Variants in PAPPA2 observed in about 807,000 individuals in gnomAD.
The protein encoded by PAPPA2 is pappalysin 2.
A neutral mutation model predicts 176.4 loss-of-function variants in PAPPA2; 86 were observed. The observed-to-expected ratio is 0.49, with a 90% CI of 0.41 to 0.58. The LOEUF (loss-of-function observed/expected upper bound fraction) is 0.58. PAPPA2 is among the 20% of genes least tolerant of loss of function. The pLI, the probability that PAPPA2 is intolerant of heterozygous loss-of-function variation, is 0.00. For missense variants in PAPPA2, 2,073 were observed against 2,256.9 expected (o/e 0.92, Z 1.65); for synonymous variants, 809 against 852.2 (o/e 0.95, Z 0.88).
At chr1:176,471,945 T>C (rs1267119652) in intron 1 of PAPPA2, among the ~76,000 whole-genome samples, 1 of 152,208 alleles carries the variant, frequency 6.6e-6, no homozygotes, top group African/African-American at 2.4e-5. Context: ...AAACTCAGAG[T>C]CTATCTCTTT....
intron 3 of PAPPA2, among the ~76,000 whole-genome samples, chr1:176,613,835 G>A (rs1655063710): frequency 6.6e-6 from 1 of 152,158 alleles, no homozygotes; most frequent in Admixed American, 6.5e-5. Flanking sequence ...AATGGGTAAT[G>A]TGACCTCCAG....
intron 15 of PAPPA2, among the ~76,000 whole-genome samples, chr1:176,767,214 G>T (rs145065639): frequency 1.0e-3 from 155 of 152,324 alleles, no homozygotes; most frequent in Admixed American, 3.3e-3. Flanking sequence ...ACTCGTGATA[G>T]GTGAAGAAGG....
Position 176,594,828 on chromosome 1 carries a change from G to C in PAPPA2, c.1224G>C (p.Leu408=), listed in dbSNP as rs1348699807. Residue 408 remains leucine, a synonymous_variant, in exon 3 of 23, where the codon CTG becomes CTC. Transcript: ENST00000367662. Reference sequence around the variant, plus strand: ...TGGCATCTTGCCGCTCTTTGCTCCTGGGGGGAGACAGCTCTGAGGATGGGC... The same window carrying C: ...TGGCATCTTGCCGCTCTTTGCTCCTCGGGGGAGACAGCTCTGAGGATGGGC... The part of the protein sequence containing the change: ...PFMASCRSLL[L]GGDSSEDGHY... The C allele has an allele frequency of 1.9e-6, 3 of 1,614,058 alleles. No homozygotes were observed. The South Asian group carries it at 3.3e-5, about 18-fold the overall frequency.
chr1:176,500,467 G>A lies in PAPPA2; in HGVS notation c.-917+37049G>A, dbSNP rs532462713. On this transcript the variant is annotated intron_variant, in intron 1 of 22. Coordinates refer to ENST00000367662, the MANE Select transcript of PAPPA2 (RefSeq NM_020318.3). ...AAAGAAAAGTTAAACCTCTAAATAT[G>A]TGTACATATTTATATATATACATTT... Among the ~76,000 whole-genome samples the A allele has an allele frequency of 4.0e-5, 6 of 148,206 alleles. No individual in the cohort carries two copies. The South Asian group carries it at 1.3e-3, about 31-fold the overall frequency.
chr1:176,530,986 C>A (rs1396930391), intron 1 of PAPPA2, among the ~76,000 whole-genome samples: 7 of 152,164 alleles, frequency 4.6e-5, no homozygotes, highest in Non-Finnish European at 1.0e-4. Flanking sequence ...ACATGAAAGT[C>A]TCATTAAGCA....
At chr1:176,638,856 G>A (rs1656885217) in intron 3 of PAPPA2, among the ~76,000 whole-genome samples, 1 of 151,840 alleles carries the variant, frequency 6.6e-6, no homozygotes, top group South Asian at 2.1e-4. Context: ...AGAGGGCCCT[G>A]ATCTGGAACA....
intron 2 of PAPPA2, among the ~76,000 whole-genome samples, chr1:176,589,913 C>T (rs1056616773): frequency 6.6e-6 from 1 of 152,142 alleles, no homozygotes; most frequent in African/African-American, 2.4e-5. Context: ...TCCTTTGAAA[C>T]AAACTTCATC....
intron 1 of PAPPA2, among the ~76,000 whole-genome samples, chr1:176,507,921 A>G (rs1648377596): frequency 6.6e-6 from 1 of 152,188 alleles, no homozygotes; most frequent in Admixed American, 6.6e-5. Context: ...AATTTAAAAA[A>G]AATTATATAA....
chr1:176,670,820 G>C (rs1280774488), intron 3 of PAPPA2, 150 bp from the exon 4 acceptor site: 2 of 874,344 alleles, frequency 2.3e-6, no homozygotes, highest in Non-Finnish European at 3.5e-6. Context: ...CTTTTCTTCT[G>C]GTCTTCATGA....
At chr1:176,780,240 C>T (rs1261286870) in intron 17 of PAPPA2, among the ~76,000 whole-genome samples, 2 of 152,144 alleles carry the variant, frequency 1.3e-5, no homozygotes, top group Non-Finnish European at 2.9e-5. Context: ...TCAGACTGAT[C>T]AGGAACAGAA....
At chr1:176,796,138 A>G (rs1665415090) in intron 20 of PAPPA2, among the ~76,000 whole-genome samples, 1 of 152,144 alleles carries the variant, frequency 6.6e-6, no homozygotes, top group Non-Finnish European at 1.5e-5. Context: ...CTGGCTGCAG[A>G]TCATTGGAGA....
intron 12 of PAPPA2, among the ~76,000 whole-genome samples, chr1:176,712,595 GAAT>G (rs376432869): frequency 3.0e-4 from 46 of 152,250 alleles, no homozygotes; most frequent in African/African-American, 9.9e-4. Flanking sequence ...TAATATTGAT[GAAT>G]ATTTGGATTA....
chr1:176,670,122 G>T (rs1658903107), intron 3 of PAPPA2, among the ~76,000 whole-genome samples: 1 of 152,124 alleles, frequency 6.6e-6, no homozygotes, highest in Non-Finnish European at 1.5e-5. Flanking sequence ...GAACAGCAAG[G>T]CCCTGTTTGC....
At chr1:176,482,134 G>T (rs1417590537) in intron 1 of PAPPA2, among the ~76,000 whole-genome samples, 4 of 152,132 alleles carry the variant, frequency 2.6e-5, no homozygotes, top group Admixed American at 2.0e-4. Context: ...TTTCTTCACT[G>T]TGAAAAAATC....
intron 3 of PAPPA2, among the ~76,000 whole-genome samples, chr1:176,606,073 A>G (rs908606109): frequency 2.0e-5 from 3 of 151,564 alleles, no homozygotes; most frequent in Non-Finnish European, 4.4e-5. Flanking sequence ...TTTTATATAT[A>G]TACACACACA....
rs1379203329 is a variant in PAPPA2 at position 176,710,108 on chromosome 1, G to T, written c.3583G>T (p.Ala1195Ser). Residue 1195 changes from alanine (A) to serine (S), a missense_variant, in exon 11 of 23, where the codon GCT becomes TCT. Around this residue, in one of 4 missense-constraint regions of PAPPA2, gnomAD observed 846 missense variants for 857.9 expected, o/e 0.99. Coordinates refer to ENST00000367662, the MANE Select transcript of PAPPA2 (RefSeq NM_020318.3). ...ATACTTGGATCAATGGGCTACCCGG[G>T]CTTACTCCTCTCATGAAGACAAGAA... The part of the protein sequence containing the change: ...KGYLDQWATR[A>S]YSSHEDKKKC... 6.2e-7 allele frequency: 1 copy of T among 1,613,838 alleles called. No homozygotes were observed. The highest frequency in any genetic ancestry group is 1.7e-5 in the Admixed American group (1 of 60,002).
chr1:176,612,278 T>C (rs933790293), intron 3 of PAPPA2, among the ~76,000 whole-genome samples: 1 of 151,994 alleles, frequency 6.6e-6, no homozygotes, highest in East Asian at 1.9e-4. Context: ...CCTATAATCC[T>C]AGCTACTTGG....
intron 17 of PAPPA2, among the ~76,000 whole-genome samples, chr1:176,783,034 T>C (rs1664789423): frequency 6.6e-6 from 1 of 152,174 alleles, no homozygotes; most frequent in Admixed American, 6.5e-5. Context: ...AGTGATGGCT[T>C]TTAAGTTCCA....
intron 21 of PAPPA2, among the ~76,000 whole-genome samples, chr1:176,822,654 G>A (rs192696642): frequency 5.9e-5 from 9 of 152,122 alleles, no homozygotes; most frequent in East Asian, 3.9e-4. Context: ...GATCTCCTAC[G>A]TGTTGATTTA....
Sources: allele counts gnomAD v4.1 joint callset (sites outside exome capture counted in the v4.1 genomes callset), GRCh38; gene constraint gnomAD v4.1.1; regional missense constraint gnomAD v4.1.1; transcripts MANE v1.5; gene names NCBI Gene and HGNC (gene_info 2026-07-23, HGNC 2026-07-21).